FGGY: variants seen among roughly 807,000 people sequenced by gnomAD.
FGGY encodes the protein FGGY carbohydrate kinase domain-containing protein.
In FGGY, 72 loss-of-function variants were observed where a neutral mutation model predicts 71.3. That is an observed-to-expected ratio of 1.01 (90% CI 0.84 to 1.23). FGGY has a LOEUF of 1.23. FGGY is among the 50% of genes most tolerant of loss of function. The pLI, the probability that FGGY is intolerant of heterozygous loss-of-function variation, is 0.00. For missense variants in FGGY, 668 were observed against 682.3 expected, an observed-to-expected ratio of 0.98 and a Z score of 0.23; for synonymous variants, 251 against 250.3, an observed-to-expected ratio of 1.00 and a Z score of -0.02.
chr1:59,556,986 C>T (rs11207475), intron 8 of FGGY, among the ~76,000 whole-genome samples: 1 of 152,132 alleles, frequency 6.6e-6, no homozygotes, highest in Admixed American at 6.5e-5. Context: ...AAGGGACCCT[C>T]TGGGCCAAGG....
At chr1:59,391,208 G>C (rs1343103710) in intron 5 of FGGY, among the ~76,000 whole-genome samples, 1 of 152,150 alleles carries the variant, frequency 6.6e-6, no homozygotes, top group Non-Finnish European at 1.5e-5. Context: ...CATCCACTGA[G>C]GGGTCTCAGA....
At chr1:59,527,979 G>A (rs1029801247) in intron 7 of FGGY, among the ~76,000 whole-genome samples, 2 of 152,124 alleles carry the variant, frequency 1.3e-5, no homozygotes, top group African/African-American at 4.8e-5. Context: ...TTAAAATGCG[G>A]ATGGCTGGGT....
chr1:59,407,784 C>G (rs1468028142), intron 5 of FGGY, among the ~76,000 whole-genome samples: 1 of 152,156 alleles, frequency 6.6e-6, no homozygotes, highest in East Asian at 1.9e-4. Context: ...CAAGCCATGG[C>G]TGCACCCCCT....
chr1:59,677,283 G>GC (rs2097445088), intron 14 of FGGY, among the ~76,000 whole-genome samples: 1 of 152,214 alleles, frequency 6.6e-6, no homozygotes, highest in African/African-American at 2.4e-5. Context: ...AGGGACCCTG[G>GC]CTTGGTTTGC....
chr1:59,560,202 C>G (rs2095764367), intron 8 of FGGY, among the ~76,000 whole-genome samples: 2 of 152,182 alleles, frequency 1.3e-5, no homozygotes, highest in East Asian at 3.8e-4. Context: ...TAAGCCCAGT[C>G]TAATTACCAG....
intron 4 of FGGY, among the ~76,000 whole-genome samples, chr1:59,353,413 A>C (rs919568927): frequency 6.6e-6 from 1 of 152,168 alleles, no homozygotes; most frequent in Admixed American, 6.5e-5. Context: ...TTCCTGTTTT[A>C]TTAAGGAAAA....
At chr1:59,372,157 G>A (rs1391499012) in intron 4 of FGGY, among the ~76,000 whole-genome samples, 4 of 151,966 alleles carry the variant, frequency 2.6e-5, no homozygotes, top group Non-Finnish European at 2.9e-5. Flanking sequence ...AAAATTGATA[G>A]ACCGTTAGCA....
At chr1:59,697,681 G>A in intron 14 of FGGY, 2 of 1,303,838 alleles carry the variant, frequency 1.5e-6, no homozygotes, top group Non-Finnish European at 2.0e-6. Flanking sequence ...GTGGACGATA[G>A]CAGCAATGGG....
rs2100662833 is a variant in FGGY, at chr1:59,722,182, A to G, written c.1513-35749A>G. Among the ~76,000 whole-genome samples, 2 of 131,546 alleles carry G rather than the reference A, an allele frequency of 1.5e-5. 1 individual carries two copies. The highest frequency in any genetic ancestry group is 8.3e-3 in the Middle Eastern group (2 of 242). The allele number at this position is 131,546 out of a possible 152,430, so 86.3% of individuals were successfully genotyped here. A position where few individuals can be genotyped will look rare whatever the true frequency, so the allele number is the denominator to read the frequency against. Reference sequence around the variant, plus strand: ...GATTTGTCTAATTTTTTTTTTTTTCATGATTGGAGTTTTGGTCTTTTGGGA... The same window carrying G: ...GATTTGTCTAATTTTTTTTTTTTTCGTGATTGGAGTTTTGGTCTTTTGGGA... On this transcript the variant is annotated intron_variant, in intron 14 of 15. Transcript: ENST00000303721.
intron 4 of FGGY, among the ~76,000 whole-genome samples, chr1:59,355,020 C>T (rs1157535924): frequency 6.6e-6 from 1 of 152,134 alleles, no homozygotes; most frequent in Non-Finnish European, 1.5e-5. Context: ...GGGGGTTTGG[C>T]GAAGTGGGCA....
chr1:59,755,816 T>G (rs1188545341), intron 14 of FGGY: 1 of 152,180 alleles, frequency 6.6e-6, no homozygotes, highest in Non-Finnish European at 1.5e-5. Context: ...TGGAATGTTG[T>G]CTCAAGTGTG....
chr1:59,453,676 A>G (rs1406509091), intron 5 of FGGY, among the ~76,000 whole-genome samples: 1 of 152,130 alleles, frequency 6.6e-6, no homozygotes, highest in Non-Finnish European at 1.5e-5. Context: ...CTAGCCTAGA[A>G]TGATCTCATG....
rs547162252 is a variant in FGGY, at chr1:59,714,482, A to G, written c.1512+40349A>G. ...TGATGAGGGAAAATATGTCAACACA[A>G]TGGTCCACTGAACTCTGGGAATAGA... On this transcript the variant is annotated intron_variant, in intron 14 of 15. Coordinates refer to ENST00000303721, the MANE Select transcript of FGGY (RefSeq NM_018291.5). 1.2e-4 allele frequency among the ~76,000 whole-genome samples: 18 copies of G among 152,298 alleles called. 1 individual carries two copies. The highest frequency in any genetic ancestry group is 6.8e-3 in the Middle Eastern group (2 of 294).
intron 14 of FGGY, among the ~76,000 whole-genome samples, chr1:59,707,145 A>C (rs182548889): frequency 1.3e-5 from 2 of 152,346 alleles, no homozygotes; most frequent in Admixed American, 6.5e-5. Flanking sequence ...CAGGATGTCC[A>C]TCAGGATTTA....
chr1:59,407,531 C>T (rs1204569550), intron 5 of FGGY, among the ~76,000 whole-genome samples: 1 of 152,096 alleles, frequency 6.6e-6, no homozygotes, highest in Non-Finnish European at 1.5e-5. Flanking sequence ...TTCCCTTGAA[C>T]CTGACTAGCT....
At chr1:59,477,806 C>T (rs1442157283) in intron 6 of FGGY, among the ~76,000 whole-genome samples, 3 of 152,106 alleles carry the variant, frequency 2.0e-5, no homozygotes, top group South Asian at 2.1e-4. Flanking sequence ...ATTCATTTAT[C>T]TTTAAATTGA....
intron 8 of FGGY, among the ~76,000 whole-genome samples, chr1:59,595,853 C>A (rs1553323101): frequency 1.3e-5 from 2 of 152,090 alleles, no homozygotes; most frequent in Non-Finnish European, 2.9e-5. Flanking sequence ...CAGGTTCATA[C>A]CCTAGATAGC....
chr1:59,682,871 A>G (rs1452210692), intron 14 of FGGY, among the ~76,000 whole-genome samples: 1 of 152,210 alleles, frequency 6.6e-6, no homozygotes, highest in Non-Finnish European at 1.5e-5. Flanking sequence ...AGGAACTTGC[A>G]TCAGAATGTA....
intron 7 of FGGY, among the ~76,000 whole-genome samples, chr1:59,516,379 G>A (rs541367031): frequency 6.0e-4 from 91 of 152,234 alleles, no homozygotes; most frequent in African/African-American, 1.9e-3. Flanking sequence ...AAGTCCATTC[G>A]TTTTGGAAAG....
Sources: gnomAD v4.1 joint callset for allele counts (sites outside exome capture counted in the v4.1 genomes callset) on GRCh38, gnomAD v4.1.1 for gene constraint, MANE v1.5 for transcripts, NCBI Gene and HGNC (gene_info 2026-07-23, HGNC 2026-07-21) for gene names.